PTPRT: variants seen among roughly 807,000 people sequenced by gnomAD.
PTPRT encodes the protein receptor-type tyrosine-protein phosphatase T.
Under a neutral mutation model 176.8 loss-of-function variants are expected in PTPRT, and 56 were observed. The ratio of observed to expected loss-of-function variants is 0.32; its 90% CI spans 0.26 to 0.40. The LOEUF (loss-of-function observed/expected upper bound fraction) is 0.40. Ranked by LOEUF, PTPRT falls within the 10% of genes least tolerant of loss-of-function variation. The pLI is 1.00. For synonymous variants in PTPRT, 783 were observed against 739.0 expected (o/e 1.06, Z -0.96); for missense variants, 1,540 against 1,908.2 (o/e 0.81, Z 3.60).
At chr20:42,470,371 T>G (rs569126174) in intron 8 of PTPRT, among the ~76,000 whole-genome samples, 1 of 152,118 alleles carries the variant, frequency 6.6e-6, no homozygotes, top group Non-Finnish European at 1.5e-5. Context: ...TTGCAGCCAG[T>G]TTTTGCTGGA....
At chr20:42,961,476 C>T (rs1169399342) in intron 1 of PTPRT, among the ~76,000 whole-genome samples, 1 of 152,214 alleles carries the variant, frequency 6.6e-6, no homozygotes, top group African/African-American at 2.4e-5. Flanking sequence ...AGCTACATTT[C>T]ACTGGAAGGA....
chr20:42,353,988 A>G (rs1256379171), intron 9 of PTPRT, among the ~76,000 whole-genome samples: 1 of 152,144 alleles, frequency 6.6e-6, no homozygotes, highest in African/African-American at 2.4e-5. Flanking sequence ...CAGGAGTTCA[A>G]GGCTATAGTG....
chr20:42,424,378 C>A (rs1361561126), intron 9 of PTPRT, among the ~76,000 whole-genome samples: 1 of 152,150 alleles, frequency 6.6e-6, no homozygotes, highest in Non-Finnish European at 1.5e-5. Flanking sequence ...CCATATGGGT[C>A]AGGCTGTAAG....
chr20:42,657,924 CTTTT>C (rs3092107), intron 7 of PTPRT, among the ~76,000 whole-genome samples: 67 of 141,566 alleles, frequency 4.7e-4, no homozygotes, highest in Non-Finnish European at 9.2e-4. Context: ...TGAGGTTTAC[CTTTT>C]TTTTTTTTTT....
intron 16 of PTPRT, among the ~76,000 whole-genome samples, chr20:42,191,564 C>A (rs1000357605): frequency 6.6e-6 from 1 of 152,050 alleles, no homozygotes; most frequent in Non-Finnish European, 1.5e-5. Flanking sequence ...AAATTTATTC[C>A]GAGGAGGGCT....
chr20:42,636,554 G>A (rs1232990675), intron 7 of PTPRT, among the ~76,000 whole-genome samples: 5 of 152,050 alleles, frequency 3.3e-5, no homozygotes, highest in Non-Finnish European at 7.4e-5. Context: ...GGAGGCTGAG[G>A]TGGGGGCATC....
intron 1 of PTPRT, among the ~76,000 whole-genome samples, chr20:43,114,447 T>C (rs2012978433): frequency 6.6e-6 from 1 of 152,214 alleles, no homozygotes; most frequent in Non-Finnish European, 1.5e-5. Flanking sequence ...CCTCACACTC[T>C]TGCTAAGAAG....
intron 11 of PTPRT, among the ~76,000 whole-genome samples, chr20:42,322,886 C>T (rs1746336773): frequency 6.6e-6 from 1 of 152,052 alleles, no homozygotes; most frequent in Non-Finnish European, 1.5e-5. Flanking sequence ...TATCCAGAAT[C>T]TACAATGAAC....
chr20:42,631,874 A>G (rs1444140352), intron 7 of PTPRT, among the ~76,000 whole-genome samples: 10 of 152,170 alleles, frequency 6.6e-5, no homozygotes, highest in Non-Finnish European at 8.8e-5. Context: ...CCATCCTGGG[A>G]GATAACCTAT....
chr20:42,426,904 G>A (rs2059169656), intron 9 of PTPRT, among the ~76,000 whole-genome samples: 1 of 152,188 alleles, frequency 6.6e-6, no homozygotes, highest in Non-Finnish European at 1.5e-5. Context: ...GATGGATGCA[G>A]GAGTCCTGAG....
chr20:42,714,140 T>C (rs1052697437), intron 6 of PTPRT, among the ~76,000 whole-genome samples: 22 of 152,120 alleles, frequency 1.4e-4, no homozygotes, highest in African/African-American at 5.3e-4. Context: ...AGCCTCAGTT[T>C]CCCCACTGGT....
intron 11 of PTPRT, among the ~76,000 whole-genome samples, chr20:42,336,124 A>T (rs1471826780): frequency 6.6e-6 from 1 of 152,182 alleles, no homozygotes; most frequent in East Asian, 1.9e-4. Context: ...ATACTTACAT[A>T]TTATATTATA....
chr20:43,083,680 T>C (rs2011528738), intron 1 of PTPRT, among the ~76,000 whole-genome samples: 1 of 151,934 alleles, frequency 6.6e-6, no homozygotes, highest in Admixed American at 6.6e-5. Flanking sequence ...ATTTAATGAT[T>C]ATTATTTACG....
chr20:43,087,542 T>G (rs1397616913), intron 1 of PTPRT, among the ~76,000 whole-genome samples: 1 of 151,930 alleles, frequency 6.6e-6, no homozygotes, highest in Non-Finnish European at 1.5e-5. Context: ...GTTTGCATTT[T>G]TAGAAGAGAG....
At chr20:42,426,728 C>T (rs1485687792) in intron 9 of PTPRT, among the ~76,000 whole-genome samples, 1 of 152,112 alleles carries the variant, frequency 6.6e-6, no homozygotes, top group African/African-American at 2.4e-5. Flanking sequence ...TGTGAGCTCC[C>T]CCTCCCGTAA....
intron 29 of PTPRT, among the ~76,000 whole-genome samples, chr20:42,083,812 G>T (rs1054345114): frequency 6.6e-6 from 1 of 152,202 alleles, no homozygotes; most frequent in Non-Finnish European, 1.5e-5. Flanking sequence ...GAAGTTCTAA[G>T]AAGCAAAGTG....
chr20:42,049,116 A>G, the PTPRT span, among the ~76,000 whole-genome samples: 1 of 152,202 alleles, frequency 6.6e-6, no homozygotes, highest in Non-Finnish European at 1.5e-5. Context: ...CACTGCCACT[A>G]AGTTTTAGGT....
At chr20:42,802,115 G>A (rs993771275) in intron 2 of PTPRT, among the ~76,000 whole-genome samples, 3 of 152,164 alleles carry the variant, frequency 2.0e-5, no homozygotes, top group Admixed American at 6.5e-5. Flanking sequence ...AAACTGTGCC[G>A]GGTCCCATAC....
rs546502797 is a variant in PTPRT at position 42,851,875 on chromosome 20, T to A, written c.214+33932A>T. On this transcript the variant is annotated intron_variant, in intron 2 of 30. Transcript: ENST00000373187. ...GCTTATGTACGGACTGAGATAATGATCTGCCTTTCCCTCTAAAAAGCTGAT... is the reference window on the plus strand; with the variant it reads ...GCTTATGTACGGACTGAGATAATGAACTGCCTTTCCCTCTAAAAAGCTGAT... Among the ~76,000 whole-genome samples, 5 of 152,352 alleles carry A rather than the reference T, an allele frequency of 3.3e-5. No homozygotes were observed. In the South Asian group the frequency reaches 1.0e-3, roughly 32 times the overall value.
Sources: allele counts gnomAD v4.1 joint callset (sites outside exome capture counted in the v4.1 genomes callset), GRCh38; gene constraint gnomAD v4.1.1; transcripts MANE v1.5; gene names NCBI Gene and HGNC (gene_info 2026-07-23, HGNC 2026-07-21).